The following SEMA3D variants were observed in gnomAD, a reference collection of about 807,000 sequenced individuals.
SEMA3D encodes the protein semaphorin-3D.
Under a neutral mutation model 100.1 loss-of-function variants are expected in SEMA3D, and 84 were observed. The observed-to-expected ratio is 0.84, with a 90% confidence interval of 0.70 to 1.01. SEMA3D has a LOEUF of 1.01. Ranked by LOEUF, SEMA3D falls within the 50% of genes least tolerant of loss-of-function variation. The pLI, the probability that SEMA3D is intolerant of heterozygous loss-of-function variation, is 0.00. For missense variants in SEMA3D, 875 were observed against 934.1 expected (o/e 0.94, Z 0.82); for synonymous variants, 312 against 320.7 (o/e 0.97, Z 0.29).
At chr7:85,134,223 C>T (rs532307682) in intron 2 of SEMA3D, among the ~76,000 whole-genome samples, 1 of 151,734 alleles carries the variant, frequency 6.6e-6, no homozygotes, top group East Asian at 1.9e-4. Flanking sequence ...AAATAAAAGG[C>T]AGAATGAAAA....
At chr7:85,037,148 G>C in intron 11 of SEMA3D, 115 bp from the exon 12 acceptor site, 1 of 928,360 alleles carries the variant, frequency 1.1e-6, no homozygotes, top group Non-Finnish European at 1.6e-6. Flanking sequence ...CATTAAATTT[G>C]ATGGGTACTG....
chr7:85,162,767 A>G (rs958098523), intron 1 of SEMA3D, among the ~76,000 whole-genome samples: 9 of 152,174 alleles, frequency 5.9e-5, no homozygotes, highest in Admixed American at 5.2e-4. Context: ...CATATGCACA[A>G]AAAGAAACTT....
At chr7:85,088,441 C>A (rs1239393820) in intron 4 of SEMA3D, among the ~76,000 whole-genome samples, 2 of 152,054 alleles carry the variant, frequency 1.3e-5, no homozygotes, top group African/African-American at 2.4e-5. Flanking sequence ...TTCATAAAAA[C>A]CTAATTAAAG....
chr7:85,098,679 A>T (rs994517341), intron 3 of SEMA3D, among the ~76,000 whole-genome samples: 2 of 151,894 alleles, frequency 1.3e-5, no homozygotes, highest in Non-Finnish European at 2.9e-5. Flanking sequence ...ACACTGGCAC[A>T]TATTAATCTT....
the SEMA3D span, among the ~76,000 whole-genome samples, chr7:85,194,819 G>A: frequency 6.6e-6 from 1 of 152,144 alleles, no homozygotes; most frequent in Non-Finnish European, 1.5e-5. Context: ...TAATTAGTGT[G>A]TAGATGGCCA....
chr7:85,081,742 C>A (rs1788072326), intron 4 of SEMA3D, among the ~76,000 whole-genome samples, 163 bp from the exon 5 acceptor site: 3 of 152,084 alleles, frequency 2.0e-5, no homozygotes. Flanking sequence ...CCAAAGCCAC[C>A]CTGAAAGTTT....
chr7:85,202,873 T>G, the SEMA3D span, among the ~76,000 whole-genome samples: 1 of 152,248 alleles, frequency 6.6e-6, no homozygotes, highest in African/African-American at 2.4e-5. Context: ...TGATGAAAAC[T>G]ATATAGTAGA....
chr7:85,106,994 A>G (rs565865716), intron 3 of SEMA3D, among the ~76,000 whole-genome samples: 1 of 152,186 alleles, frequency 6.6e-6, no homozygotes, highest in Non-Finnish European at 1.5e-5. Context: ...ACACAGTCAC[A>G]CCATATCACC....
intron 3 of SEMA3D, among the ~76,000 whole-genome samples, chr7:85,116,240 C>A (rs950084388): frequency 6.9e-6 from 1 of 145,608 alleles, no homozygotes; most frequent in Non-Finnish European, 1.5e-5. Context: ...ATGTACATAC[C>A]TATATAAATT....
rs939675918 is a variant in SEMA3D at position 84,997,246 on chromosome 7, T to C, written c.*2194A>G. ...AGTCAATCCTAACACTTGAGCTTCA[T>C]GTAAATTTTCCAAAGTCATTCATAT... On this transcript the variant is annotated 3_prime_UTR_variant, in exon 19 of 19. Transcript: ENST00000284136. The C allele has an allele frequency of 1.3e-5, 2 of 152,086 alleles. No individual in the cohort carries two copies. Among genetic ancestry groups the C allele is most frequent in the African/African-American group, 4.8e-5 (2 of 41,458 alleles). 9.4% of individuals were successfully genotyped at this position (152,086 alleles called of 1,614,324 possible). A position where few individuals can be genotyped will look rare whatever the true frequency, so the allele number is the denominator to read the frequency against.
chr7:85,063,518 C>A (rs1791532820), intron 8 of SEMA3D, among the ~76,000 whole-genome samples: 1 of 152,144 alleles, frequency 6.6e-6, no homozygotes, highest in African/African-American at 2.4e-5. Context: ...TCCCAGCATA[C>A]AAATCTCTTG....
At chr7:85,125,644 C>A (rs1789545956) in intron 2 of SEMA3D, among the ~76,000 whole-genome samples, 1 of 152,214 alleles carries the variant, frequency 6.6e-6, no homozygotes, top group South Asian at 2.1e-4. Context: ...TCAAGACCTA[C>A]AATCTACTGG....
At chr7:85,116,345 T>C (rs1274906669) in intron 3 of SEMA3D, among the ~76,000 whole-genome samples, 4 of 146,624 alleles carry the variant, frequency 2.7e-5, no homozygotes, top group Non-Finnish European at 6.0e-5. Flanking sequence ...TATTTATGTA[T>C]ATTTATATAT....
At position 85,073,078 on chromosome 7, in the gene SEMA3D, C is replaced by T; in HGVS notation, c.379G>A (p.Glu127Lys). 1 of 1,612,144 alleles carries T rather than the reference C, an allele frequency of 6.2e-7. No individual in the cohort carries two copies. The change falls in exon 6 of 19, where the codon GAA becomes AAA. Residue 127 changes from glutamate to lysine, a missense_variant. By Grantham distance (56) the Glu-to-Lys change is moderately conservative. Transcript: ENST00000284136. ...CKLAGKDANT[E>K]CANFIRVLQP... Reference sequence around the variant, plus strand: ...AGTACTCTGATGAAATTTGCACATTCTGTCTGTTGGGCACAAAAATTAAAA... The same window carrying T: ...AGTACTCTGATGAAATTTGCACATTTTGTCTGTTGGGCACAAAAATTAAAA...
the SEMA3D span, among the ~76,000 whole-genome samples, chr7:85,210,000 G>A: frequency 1.3e-5 from 2 of 152,030 alleles, no homozygotes; most frequent in Non-Finnish European, 2.9e-5. Context: ...GAAAACAGTG[G>A]AACTCTAGGT....
the SEMA3D span, among the ~76,000 whole-genome samples, chr7:85,243,621 A>T: frequency 6.6e-6 from 1 of 152,206 alleles, no homozygotes; most frequent in Non-Finnish European, 1.5e-5. Context: ...TTAAGATGGA[A>T]TAGCAAATTC....
At chr7:85,006,686 T>TGTTA in intron 18 of SEMA3D, 116 bp downstream of exon 18, 1 of 824,002 alleles carries the variant, frequency 1.2e-6, no homozygotes, top group South Asian at 4.0e-5. Flanking sequence ...GAGTAAAACC[T>TGTTA]GTTATTTTTT....
the SEMA3D span, among the ~76,000 whole-genome samples, chr7:85,201,636 C>A: frequency 1.3e-5 from 2 of 152,132 alleles, no homozygotes; most frequent in African/African-American, 4.8e-5. Context: ...TTTTTAGAGG[C>A]TGTGAGGAAA....
intron 8 of SEMA3D, among the ~76,000 whole-genome samples, chr7:85,063,920 C>G (rs1013808876): frequency 1.9e-4 from 29 of 152,254 alleles, no homozygotes; most frequent in African/African-American, 6.5e-4. Flanking sequence ...ATGCAGGCCA[C>G]AAGGGTAGAA....
Sources: gnomAD v4.1 joint callset for allele counts (sites outside exome capture counted in the v4.1 genomes callset) on GRCh38, gnomAD v4.1.1 for gene constraint, MANE v1.5 for transcripts, NCBI Gene and HGNC (gene_info 2026-07-23, HGNC 2026-07-21) for gene names.